The following IHO1 variants were observed in gnomAD, a reference collection of about 807,000 sequenced individuals.
IHO1 encodes the protein interactor of HORMAD1 protein 1.
IHO1 carries 13 observed loss-of-function variants against 31.0 expected under a neutral mutation model. The observed-to-expected ratio is 0.42, with a 90% CI of 0.27 to 0.67. The LOEUF is 0.67. IHO1 is among the 30% of genes least tolerant of loss of function. IHO1 has a pLI of 0.24. For missense variants in IHO1, 599 were observed against 687.5 expected (o/e 0.87, Z 1.44); for synonymous variants, 221 against 248.4 (o/e 0.89, Z 1.04).
chr3:49,196,816 GC>G (rs887162547), upstream of IHO1, among the ~76,000 whole-genome samples: 1 of 144,644 alleles, frequency 6.9e-6, no homozygotes, highest in African/African-American at 2.6e-5. Flanking sequence ...GACTACAGGC[GC>G]CCACCACCAC....
chr3:49,237,241 G>A (rs962794064), intron 3 of IHO1, among the ~76,000 whole-genome samples: 4 of 151,942 alleles, frequency 2.6e-5, no homozygotes, highest in South Asian at 4.1e-4. Context: ...CCAGCTACTC[G>A]GGAGGCTGAG....
intron 2 of IHO1, among the ~76,000 whole-genome samples, chr3:49,224,045 G>A (rs2046387721): frequency 6.6e-6 from 1 of 152,128 alleles, no homozygotes; most frequent in East Asian, 1.9e-4. Context: ...TAGGGATTTG[G>A]CCATTTGATG....
chr3:49,234,898 G>A (rs1216847851), intron 2 of IHO1, among the ~76,000 whole-genome samples: 1 of 151,414 alleles, frequency 6.6e-6, no homozygotes, highest in East Asian at 1.9e-4. Flanking sequence ...CCAGGCTGGA[G>A]TGCAGTGGCA....
intron 1 of IHO1, chr3:49,200,591 T>A: frequency 1.0e-6 from 1 of 984,326 alleles, no homozygotes; most frequent in Non-Finnish European, 1.2e-6. Flanking sequence ...GGGGCGGTCC[T>A]CTCCCCCTCA....
intron 2 of IHO1, among the ~76,000 whole-genome samples, chr3:49,216,950 A>G (rs1340419134): frequency 6.6e-6 from 1 of 152,214 alleles, no homozygotes; most frequent in Non-Finnish European, 1.5e-5. Context: ...TACCATCTCA[A>G]GCCAGTTAGA....
chr3:49,218,259 G>A (rs1040370597), intron 2 of IHO1, among the ~76,000 whole-genome samples: 5 of 151,738 alleles, frequency 3.3e-5, no homozygotes, highest in African/African-American at 1.2e-4. Context: ...GGACAGCTCC[G>A]GCTCTCTCTC....
At chr3:49,233,365 A>T (rs2046506887) in intron 2 of IHO1, among the ~76,000 whole-genome samples, 1 of 152,210 alleles carries the variant, frequency 6.6e-6, no homozygotes, top group African/African-American at 2.4e-5. Flanking sequence ...AAGAATAAAA[A>T]AGCATCTAGA....
chr3:49,232,007 G>T (rs571703115), intron 2 of IHO1, among the ~76,000 whole-genome samples: 4 of 152,312 alleles, frequency 2.6e-5, no homozygotes, highest in African/African-American at 7.2e-5. Context: ...ACATGTATGC[G>T]TGGACACCTT....
At chr3:49,255,601 G>A (rs941922182) in intron 7 of IHO1, 108 bp downstream of exon 7, 16 of 606,972 alleles carry the variant, frequency 2.6e-5, no homozygotes, top group South Asian at 4.9e-5. Flanking sequence ...TCGCTTTGTC[G>A]TGCGGTGGTG....
intron 2 of IHO1, among the ~76,000 whole-genome samples, chr3:49,212,648 CT>C (rs2046237102): frequency 6.6e-6 from 1 of 151,990 alleles, no homozygotes; most frequent in Non-Finnish European, 1.5e-5. Flanking sequence ...TGTTACAGTT[CT>C]TAAAAGCGGC....
chr3:49,255,988 G>A (rs919124889), intron 7 of IHO1, 146 bp from the exon 8 acceptor site: 9 of 688,024 alleles, frequency 1.3e-5, no homozygotes, highest in East Asian at 7.8e-5. Context: ...TTCAACTCCC[G>A]AGTGTAATTG....
chr3:49,236,715 A>C lies in IHO1; in HGVS notation c.224A>C (p.Tyr75Ser), dbSNP rs144948053. 1.9e-6 allele frequency: 3 copies of C among 1,610,206 alleles called. No individual in the cohort carries two copies. The African/African-American group carries it at 4.0e-5, about 22-fold the overall frequency. The part of the protein sequence containing the change: ...LRHSKQSQQN[Y>S]LEGEPSIFTK... ...CATTCAAAACAGTCACAACAGAACT[A>C]TCTGGAGGTGAGTCTGGTTTCCAGA... The change falls in exon 3 of 8, where the codon TAT becomes TCT. Residue 75 changes from tyrosine (Y) to serine (S), a missense_variant. Coordinates refer to ENST00000452691, the MANE Select transcript of IHO1 (RefSeq NM_001135197.2).
intron 2 of IHO1, among the ~76,000 whole-genome samples, chr3:49,235,968 C>T (rs1172661466): frequency 1.3e-5 from 2 of 148,588 alleles, no homozygotes; most frequent in South Asian, 2.1e-4. Context: ...TGGCCCTGCA[C>T]GGTGGCTCAC....
At chr3:49,196,815 C>T (rs553187224), upstream of IHO1, among the ~76,000 whole-genome samples, 32 of 151,810 alleles carry the variant, frequency 2.1e-4, no homozygotes, top group African/African-American at 3.9e-4. Flanking sequence ...AGACTACAGG[C>T]GCCCACCACC....
chr3:49,203,561 T>C lies in IHO1; in HGVS notation c.-16+3988T>C, dbSNP rs1575562731. 2.0e-5 allele frequency among the ~76,000 whole-genome samples: 3 copies of C among 152,142 alleles called. No individual in the cohort carries two copies. The East Asian group carries it at 5.8e-4, about 29-fold the overall frequency. On this transcript the variant is annotated intron_variant, in intron 1 of 7. Coordinates refer to ENST00000452691, the MANE Select transcript of IHO1 (RefSeq NM_001135197.2). Reference sequence around the variant, plus strand: ...ATCAGGGAGAGTGGTTAGGAGGCCATTGCAATAATCCAGGCTGGTGGCAGT... The same window carrying C: ...ATCAGGGAGAGTGGTTAGGAGGCCACTGCAATAATCCAGGCTGGTGGCAGT...
chr3:49,195,085 T>C (rs776387879), upstream of IHO1, among the ~76,000 whole-genome samples: 18 of 151,906 alleles, frequency 1.2e-4, no homozygotes, highest in Non-Finnish European at 2.2e-4. Context: ...CTGTCTCTAT[T>C]TTTACATAAA....
At chr3:49,198,033 G>A (rs868166576), upstream of IHO1, among the ~76,000 whole-genome samples, 7 of 152,072 alleles carry the variant, frequency 4.6e-5, no homozygotes, top group African/African-American at 7.2e-5. Context: ...GCATTTTCTC[G>A]AATTTTATAT....
At chr3:49,252,639 C>G (rs772980162) in intron 6 of IHO1, among the ~76,000 whole-genome samples, 10 of 152,050 alleles carry the variant, frequency 6.6e-5, no homozygotes, top group Non-Finnish European at 1.2e-4. Flanking sequence ...CCAGGCTGGT[C>G]TAGAACTCCT....
chr3:49,211,198 CG>C (rs2046209397), intron 1 of IHO1, among the ~76,000 whole-genome samples: 1 of 148,804 alleles, frequency 6.7e-6, no homozygotes, highest in Admixed American at 6.7e-5. Context: ...TTAGTAGAGA[CG>C]GGGTTTCACC....
Sources: gnomAD v4.1 joint callset for allele counts (sites outside exome capture counted in the v4.1 genomes callset) on GRCh38, gnomAD v4.1.1 for gene constraint, MANE v1.5 for transcripts, NCBI Gene and HGNC (gene_info 2026-07-23, HGNC 2026-07-21) for gene names.